Variants in ADGRL2 observed in about 807,000 individuals in gnomAD.
The protein encoded by ADGRL2 is calcium-independent alpha-latrotoxin receptor 2.
Under a neutral mutation model 157.4 loss-of-function variants are expected in ADGRL2, and 44 were observed. That is an observed-to-expected ratio of 0.28 (90% CI 0.22 to 0.36). ADGRL2 has a LOEUF of 0.36. Ranked by LOEUF, ADGRL2 falls within the 10% of genes least tolerant of loss-of-function variation. The pLI is 1.00. For missense variants in ADGRL2, 1,510 were observed against 1,768.9 expected, an observed-to-expected ratio of 0.85 and a Z score of 2.63; for synonymous variants, 585 against 624.7, an observed-to-expected ratio of 0.94 and a Z score of 0.95.
chr1:81,524,883 C>T (rs1408526157), intron 2 of ADGRL2, among the ~76,000 whole-genome samples: 1 of 151,264 alleles, frequency 6.6e-6, no homozygotes, highest in Admixed American at 6.6e-5. Flanking sequence ...CTAGCCTGGG[C>T]GACAGTGAGA....
At chr1:81,512,242 A>G (rs1014394136) in intron 2 of ADGRL2, among the ~76,000 whole-genome samples, 2 of 151,730 alleles carry the variant, frequency 1.3e-5, no homozygotes, top group Non-Finnish European at 2.9e-5. Context: ...CATGCAACAG[A>G]TTTCTTTTTC....
chr1:81,919,141 G>A (rs1051176277), intron 3 of ADGRL2, among the ~76,000 whole-genome samples: 1 of 152,046 alleles, frequency 6.6e-6, no homozygotes, highest in Non-Finnish European at 1.5e-5. Flanking sequence ...GTATTTCAGA[G>A]ATTTAGGATT....
Position 81,950,399 on chromosome 1 carries a change from A to T in ADGRL2, c.1421A>T (p.Glu474Val). The change falls in exon 7 of 24, where the codon GAA becomes GTA. Residue 474 changes from glutamate to valine, a missense_variant. By Grantham distance (121) the Glu-to-Val change is moderately radical. Around this residue, in one of 4 missense-constraint regions of ADGRL2, gnomAD observed 325 missense variants for 333.2 expected, o/e 0.98. Coordinates refer to ENST00000686636, the MANE Select transcript of ADGRL2 (RefSeq NM_001366006.2). ...NIFPLPERFC[E>V]ALDSKGIKWP... is the part of the protein sequence containing the mutation. ...TTTCCCCTGCCAGAGAGATTCTGTG[A>T]AGCATTAGACTCCAAGGGGATAAAG... The T allele has an allele frequency of 6.2e-7, 1 of 1,614,044 alleles. No individual in the cohort carries two copies. The highest frequency in any genetic ancestry group is 8.5e-7 in the Non-Finnish European group (1 of 1,179,928).
At chr1:81,635,453 C>T (rs1032522432) in intron 3 of ADGRL2, among the ~76,000 whole-genome samples, 26 of 152,162 alleles carry the variant, frequency 1.7e-4, no homozygotes, top group African/African-American at 5.8e-4. Context: ...CTTTGGGCTT[C>T]TAGAACAAAA....
intron 2 of ADGRL2, among the ~76,000 whole-genome samples, chr1:81,472,851 C>T (rs1483509243): frequency 1.3e-5 from 2 of 152,116 alleles, no homozygotes; most frequent in South Asian, 2.1e-4. Flanking sequence ...ATACATACTG[C>T]AAGTTGGTAA....
At chr1:81,353,754 G>A (rs1378422195) in intron 1 of ADGRL2, among the ~76,000 whole-genome samples, 1 of 152,154 alleles carries the variant, frequency 6.6e-6, no homozygotes, top group Non-Finnish European at 1.5e-5. Context: ...CACATTTCAA[G>A]TGGCCCTGGG....
intron 3 of ADGRL2, among the ~76,000 whole-genome samples, chr1:81,676,723 G>C (rs1010363686): frequency 1.3e-5 from 2 of 151,794 alleles, no homozygotes; most frequent in African/African-American, 4.8e-5. Context: ...GTCTTGCTCT[G>C]TCGCCCAGGC....
At chr1:81,846,945 G>A (rs577160311) in intron 2 of ADGRL2, among the ~76,000 whole-genome samples, 37 of 151,458 alleles carry the variant, frequency 2.4e-4, no homozygotes, top group African/African-American at 8.7e-4. Context: ...GACAGGTGCT[G>A]TAGGTTGAGT....
intron 3 of ADGRL2, among the ~76,000 whole-genome samples, chr1:81,631,235 G>C (rs2082005443): frequency 6.8e-6 from 1 of 148,144 alleles, no homozygotes; most frequent in Non-Finnish European, 1.5e-5. Context: ...GTTTTTTTTT[G>C]AGACAGAGTC....
intron 23 of ADGRL2, 21 bp from the exon 24 acceptor site, chr1:81,990,370 A>G (rs111846594): frequency 1.4e-5 from 23 of 1,602,276 alleles, no homozygotes; most frequent in Non-Finnish European, 2.0e-5. Flanking sequence ...AGTAATGATA[A>G]CTCCCCCTCT....
intron 1 of ADGRL2, among the ~76,000 whole-genome samples, chr1:81,826,989 T>G (rs2091543543): frequency 6.6e-6 from 1 of 151,984 alleles, no homozygotes. Context: ...TATGTTATAG[T>G]TTGACTTAAA....
At chr1:81,491,089 G>T (rs953782910) in intron 2 of ADGRL2, among the ~76,000 whole-genome samples, 1 of 151,892 alleles carries the variant, frequency 6.6e-6, no homozygotes, top group African/African-American at 2.4e-5. Context: ...CGCCTTGGGG[G>T]ATTAAATCCC....
At chr1:81,860,617 CT>C (rs1399975455) in intron 2 of ADGRL2, among the ~76,000 whole-genome samples, 1 of 152,126 alleles carries the variant, frequency 6.6e-6, no homozygotes, top group Non-Finnish European at 1.5e-5. Flanking sequence ...ACAAAAGGTA[CT>C]TTGGGGAAGC....
chr1:81,516,712 C>A (rs1259467174), intron 2 of ADGRL2, among the ~76,000 whole-genome samples: 1 of 152,248 alleles, frequency 6.6e-6, no homozygotes, highest in East Asian at 1.9e-4. Context: ...CTAGGAAATG[C>A]AATCATTCTA....
chr1:81,425,837 A>T (rs188832215), intron 1 of ADGRL2, among the ~76,000 whole-genome samples: 1 of 151,516 alleles, frequency 6.6e-6, no homozygotes, highest in Non-Finnish European at 1.5e-5. Context: ...ATAACAAAAG[A>T]CAGCTTAACA....
At chr1:81,907,931 TG>T (rs1300477091) in intron 3 of ADGRL2, among the ~76,000 whole-genome samples, 1 of 152,200 alleles carries the variant, frequency 6.6e-6, no homozygotes, top group Admixed American at 6.5e-5. Context: ...TGGTTAGTGA[TG>T]AACTGCGTGT....
intron 2 of ADGRL2, among the ~76,000 whole-genome samples, chr1:81,891,984 A>T (rs3046438): frequency 8.1e-6 from 1 of 123,062 alleles, no homozygotes; most frequent in Non-Finnish European, 1.8e-5. Flanking sequence ...GTGTGTGTGT[A>T]TGTGTGTGTG....
At chr1:81,325,053 G>A (rs1204500194) in intron 1 of ADGRL2, among the ~76,000 whole-genome samples, 1 of 151,958 alleles carries the variant, frequency 6.6e-6, no homozygotes, top group Non-Finnish European at 1.5e-5. Context: ...GCCTTGTTTT[G>A]GCCATAGTAC....
At chr1:81,709,269 T>C (rs898540479) in intron 1 of ADGRL2, among the ~76,000 whole-genome samples, 1 of 152,116 alleles carries the variant, frequency 6.6e-6, no homozygotes, top group Non-Finnish European at 1.5e-5. Flanking sequence ...GGAGACAAGA[T>C]CCATTTTACA....
Sources: allele counts gnomAD v4.1 joint callset (sites outside exome capture counted in the v4.1 genomes callset), GRCh38; gene constraint gnomAD v4.1.1; regional missense constraint gnomAD v4.1.1; transcripts MANE v1.5; gene names NCBI Gene and HGNC (gene_info 2026-07-23, HGNC 2026-07-21).